Variants in PTPRK observed in about 807,000 individuals in gnomAD.
PTPRK encodes the protein protein tyrosine phosphatase receptor type K, also known as receptor-type tyrosine-protein phosphatase kappa.
Under a neutral mutation model 178.0 loss-of-function variants are expected in PTPRK, and 75 were observed. The ratio of observed to expected loss-of-function variants is 0.42; its 90% CI spans 0.35 to 0.51. The LOEUF (loss-of-function observed/expected upper bound fraction) is 0.51. Ranked by LOEUF, PTPRK falls within the 20% of genes least tolerant of loss-of-function variation. The pLI is 0.02. For synonymous variants in PTPRK, 637 were observed against 620.6 expected, an observed-to-expected ratio of 1.03 and a Z score of -0.39; for missense variants, 1,441 against 1,797.8, an observed-to-expected ratio of 0.80 and a Z score of 3.59.
intron 18 of PTPRK, 140 bp downstream of exon 18, chr6:127,995,322 C>T (rs1777024722): frequency 1.9e-6 from 3 of 1,587,516 alleles, no homozygotes; most frequent in Non-Finnish European, 2.6e-6. Flanking sequence ...TCAGTAAGTA[C>T]TAGGACGCAG....
chr6:128,092,744 A>C (rs1437559238), intron 7 of PTPRK, among the ~76,000 whole-genome samples: 2 of 152,192 alleles, frequency 1.3e-5, no homozygotes, highest in East Asian at 3.8e-4. Flanking sequence ...CATTCAAAGA[A>C]ATTTTTCTCA....
chr6:128,006,961 A>G (rs921846732), intron 14 of PTPRK, among the ~76,000 whole-genome samples: 2 of 150,914 alleles, frequency 1.3e-5, no homozygotes, highest in African/African-American at 4.8e-5. Flanking sequence ...ACATGTATTC[A>G]TCCCAGTGAG....
rs868293363 is a variant in PTPRK, at chr6:128,329,427, G to A, written c.224-7117C>T. 2.7e-5 allele frequency among the ~76,000 whole-genome samples: 4 copies of A among 146,212 alleles called. No homozygotes were observed. The South Asian group carries it at 8.8e-4, about 32-fold the overall frequency. On this transcript the variant is annotated intron_variant, in intron 2 of 29. Transcript: ENST00000368226. ...CACACACACAATATTACAAGGAATA[G>A]ACTCATATGATTGTGGAAGCTGAGA...
rs1326803021 is a variant in PTPRK at position 128,038,230 on chromosome 6, G to A, written c.2194+26528C>T. On this transcript the variant is annotated intron_variant, in intron 13 of 29. Coordinates refer to ENST00000368226, the MANE Select transcript of PTPRK (RefSeq NM_002844.4). ...TCTAGGAGAAATTTAAAATACTAAT[G>A]TACTTTATACACATTTTTTATGATT... Among the ~76,000 whole-genome samples the A allele has an allele frequency of 4.6e-5, 7 of 151,974 alleles. No homozygotes were observed. The East Asian group carries it at 5.8e-4, about 13-fold the overall frequency.
intron 1 of PTPRK, among the ~76,000 whole-genome samples, chr6:128,513,903 C>A (rs960889770): frequency 6.6e-6 from 1 of 152,174 alleles, no homozygotes; most frequent in South Asian, 2.1e-4. Context: ...CCCTAGAAAG[C>A]CTTCCTCTCT....
intron 18 of PTPRK, 148 bp from the exon 19 acceptor site, chr6:127,992,857 C>A: frequency 1.8e-6 from 1 of 548,048 alleles, no homozygotes; most frequent in South Asian, 3.3e-5. Flanking sequence ...GTTCACTTCT[C>A]AAACCTATGT....
chr6:128,106,579 A>C (rs1159553273), intron 7 of PTPRK, among the ~76,000 whole-genome samples: 1 of 152,146 alleles, frequency 6.6e-6, no homozygotes, highest in Admixed American at 6.5e-5. Flanking sequence ...AACTACACAA[A>C]AGAATAGACA....
chr6:128,110,467 T>G (rs550796073), intron 7 of PTPRK, among the ~76,000 whole-genome samples: 1 of 152,092 alleles, frequency 6.6e-6, no homozygotes, highest in Non-Finnish European at 1.5e-5. Flanking sequence ...ATGCTCTTGA[T>G]AGATGTGCAG....
At chr6:128,346,294 T>C (rs1459872069) in intron 2 of PTPRK, among the ~76,000 whole-genome samples, 1 of 151,894 alleles carries the variant, frequency 6.6e-6, no homozygotes, top group Non-Finnish European at 1.5e-5. Context: ...AATATTAATA[T>C]TCAAAGAAGG....
rs753117011 is a variant in PTPRK at position 128,082,617 on chromosome 6, A to T, written c.1597T>A (p.Ser533Thr). The T allele has an allele frequency of 3.7e-6, 6 of 1,610,406 alleles. No homozygotes were observed. Among genetic ancestry groups the T allele is most frequent in the South Asian group, 3.3e-5 (3 of 90,986 alleles). Residue 533 changes from serine to threonine, a missense_variant, in exon 10 of 30, where the codon TCA becomes ACA. Physicochemically the swap from Ser to Thr is moderately conservative, Grantham distance 58 (BLOSUM62 1). Transcript: ENST00000368226. Reference protein sequence around the residue: ...QYEISYSSIRSFDPAVPVAGP... With the variant: ...QYEISYSSIRTFDPAVPVAGP... ...GCCACTGGAACTGCAGGATCAAATGATCTTATACTGCTATAGCTGATCTGT... is the reference window on the plus strand; with the variant it reads ...GCCACTGGAACTGCAGGATCAAATGTTCTTATACTGCTATAGCTGATCTGT...
At chr6:128,238,254 C>G in intron 5 of PTPRK, 1 of 374,228 alleles carries the variant, frequency 2.7e-6, no homozygotes, top group Non-Finnish European at 5.0e-6. Flanking sequence ...ATAGAAGTTT[C>G]ATAGAATATT....
At chr6:128,330,878 A>G in intron 2 of PTPRK, among the ~76,000 whole-genome samples, 1 of 145,906 alleles carries the variant, frequency 6.9e-6, no homozygotes, top group Non-Finnish European at 1.5e-5. Flanking sequence ...AAAAACAAAA[A>G]CAAAAACAAA....
chr6:127,999,564 C>T (rs558891454), intron 15 of PTPRK, among the ~76,000 whole-genome samples: 37 of 152,082 alleles, frequency 2.4e-4, no homozygotes, highest in African/African-American at 5.5e-4. Flanking sequence ...CTCTTGGCCA[C>T]GCTGCGAGAG....
chr6:128,208,586 T>TA (rs1329072163), intron 6 of PTPRK, among the ~76,000 whole-genome samples: 1 of 152,090 alleles, frequency 6.6e-6, no homozygotes, highest in Non-Finnish European at 1.5e-5. Flanking sequence ...ATGTCAGCAA[T>TA]AAAAAAGACA....
At chr6:128,305,611 G>C (rs1033906834) in intron 3 of PTPRK, among the ~76,000 whole-genome samples, 3 of 152,138 alleles carry the variant, frequency 2.0e-5, no homozygotes, top group African/African-American at 7.2e-5. Flanking sequence ...ATTTAGGAAA[G>C]AAAGGCTATC....
intron 1 of PTPRK, among the ~76,000 whole-genome samples, chr6:128,482,334 A>G (rs1852202085): frequency 6.6e-6 from 1 of 152,160 alleles, no homozygotes; most frequent in Non-Finnish European, 1.5e-5. Flanking sequence ...ACTGTAATAT[A>G]TTTGTTCTTA....
intron 3 of PTPRK, 118 bp from the exon 4 acceptor site, chr6:128,242,720 A>C (rs1814691880): frequency 1.4e-6 from 2 of 1,396,032 alleles, no homozygotes; most frequent in East Asian, 2.6e-5. Context: ...AAGAATTAAA[A>C]ATTTAACCTT....
At chr6:128,125,034 T>G (rs1448946017) in intron 7 of PTPRK, among the ~76,000 whole-genome samples, 1 of 152,204 alleles carries the variant, frequency 6.6e-6, no homozygotes, top group Non-Finnish European at 1.5e-5. Flanking sequence ...CAGACATAAT[T>G]TCATGAGCTG....
At chr6:128,348,959 T>A (rs1346712546) in intron 2 of PTPRK, among the ~76,000 whole-genome samples, 1 of 152,202 alleles carries the variant, frequency 6.6e-6, no homozygotes, top group Middle Eastern at 3.4e-3. Flanking sequence ...TATCTAAGAA[T>A]GTTAGTAATT....
Sources: gnomAD v4.1 joint callset for allele counts (sites outside exome capture counted in the v4.1 genomes callset) on GRCh38, gnomAD v4.1.1 for gene constraint, MANE v1.5 for transcripts, NCBI Gene and HGNC (gene_info 2026-07-23, HGNC 2026-07-21) for gene names.